CUL3: variants seen among roughly 807,000 people sequenced by gnomAD.
CUL3 encodes the protein cullin 3.
In CUL3, 19 loss-of-function variants were observed where a neutral mutation model predicts 89.1. The observed-to-expected ratio is 0.21, with a 90% CI of 0.15 to 0.31. The LOEUF is 0.31. CUL3 is among the 10% of genes least tolerant of loss of function. The probability of loss-of-function intolerance (pLI) is 1.00; values close to 1 mark genes in which losing one functional copy is unlikely to be tolerated. For missense variants in CUL3, 469 were observed against 942.3 expected (o/e 0.50, Z 6.58); for synonymous variants, 351 against 308.4 (o/e 1.14, Z -1.45).
intron 2 of CUL3, among the ~76,000 whole-genome samples, chr2:224,554,312 A>G (rs528802279): frequency 1.3e-5 from 2 of 152,198 alleles, no homozygotes; most frequent in South Asian, 4.1e-4. Flanking sequence ...GATTCATAAT[A>G]ATTTTAGAAA....
At chr2:224,527,337 C>G (rs1693518540) in intron 3 of CUL3, among the ~76,000 whole-genome samples, 1 of 152,158 alleles carries the variant, frequency 6.6e-6, no homozygotes, top group African/African-American at 2.4e-5. Context: ...CTAAAATCAT[C>G]AAAATGTACA....
chr2:224,487,082 C>T (rs2106161595), intron 13 of CUL3, among the ~76,000 whole-genome samples: 1 of 152,260 alleles, frequency 6.6e-6, no homozygotes, highest in East Asian at 1.9e-4. Flanking sequence ...GATTCTGTCA[C>T]CACCAGGTCT....
At chr2:224,490,832 T>A (rs1000000232) in intron 13 of CUL3, among the ~76,000 whole-genome samples, 1 of 152,192 alleles carries the variant, frequency 6.6e-6, no homozygotes, top group African/African-American at 2.4e-5. Context: ...TTAACTTGTA[T>A]ACTTTTTAAT....
rs538860507 is a variant in CUL3 at position 224,573,509 on chromosome 2, C to T, written c.66+11435G>A. 1.1e-4 allele frequency among the ~76,000 whole-genome samples: 16 copies of T among 152,316 alleles called. No individual in the cohort carries two copies. The South Asian group carries it at 1.7e-3, about 16-fold the overall frequency. On this transcript the variant is annotated intron_variant, in intron 1 of 15. Transcript: ENST00000264414. ...ATAACTTTTATAAATGGTCCATTTA[C>T]TTAAAGCCAGTAAAACTTAAGCTTA...
Position 224,474,227 on chromosome 2 carries a change from C to A in CUL3, c.*18G>T, listed in dbSNP as rs2106132671. On this transcript the variant is annotated 3_prime_UTR_variant, in exon 16 of 16. Transcript: ENST00000264414. ...CGAAGAGTACAGTCCAAGAATAAAT[C>A]AAATTTCTGAACGCATTTTATGCTA... 1.2e-6 allele frequency: 2 copies of A among 1,610,364 alleles called. No homozygotes were observed. Among genetic ancestry groups the A allele is most frequent in the South Asian group, 2.2e-5 (2 of 90,436 alleles).
At chr2:224,513,397 T>A in intron 5 of CUL3, 127 bp downstream of exon 5, 1 of 641,944 alleles carries the variant, frequency 1.6e-6, no homozygotes, top group South Asian at 2.0e-5. Context: ...CTGATGGGCA[T>A]TTTTTGCATA....
intron 1 of CUL3, among the ~76,000 whole-genome samples, chr2:224,574,973 C>T (rs1695266859): frequency 6.6e-6 from 1 of 152,194 alleles, no homozygotes; most frequent in South Asian, 2.1e-4. Context: ...ATAGAGACTC[C>T]TCTCTCAAGA....
At chr2:224,500,320 C>CACTT (rs1472078549) in intron 11 of CUL3, 43 bp downstream of exon 11, 1 of 1,597,258 alleles carries the variant, frequency 6.3e-7, no homozygotes, top group Non-Finnish European at 8.6e-7. Flanking sequence ...TAATTTTGAA[C>CACTT]ACTTACTTGT....
At chr2:224,527,325 A>C (rs1429506049) in intron 3 of CUL3, among the ~76,000 whole-genome samples, 1 of 152,218 alleles carries the variant, frequency 6.6e-6, no homozygotes, top group East Asian at 1.9e-4. Context: ...CTTTTTAAAG[A>C]GCTAAAATCA....
chr2:224,542,392 T>C (rs187507941), intron 2 of CUL3, among the ~76,000 whole-genome samples: 1 of 152,166 alleles, frequency 6.6e-6, no homozygotes, highest in East Asian at 1.9e-4. Flanking sequence ...GTGACACAAT[T>C]ATAGCTCACT....
chr2:224,578,598 T>C (rs1695364878), intron 1 of CUL3, among the ~76,000 whole-genome samples: 1 of 152,162 alleles, frequency 6.6e-6, no homozygotes, highest in African/African-American at 2.4e-5. Flanking sequence ...TGAATAGTTT[T>C]CACAAGACAC....
intron 2 of CUL3, among the ~76,000 whole-genome samples, chr2:224,550,197 A>G (rs1694461647): frequency 6.6e-6 from 1 of 152,240 alleles, no homozygotes; most frequent in African/African-American, 2.4e-5. Flanking sequence ...TTGCATATAC[A>G]TAATGAGAGA....
intron 1 of CUL3, among the ~76,000 whole-genome samples, chr2:224,563,878 A>T (rs183724064): frequency 5.9e-5 from 9 of 152,350 alleles, no homozygotes; most frequent in Non-Finnish European, 7.3e-5. Context: ...GATGCTGACA[A>T]TTCAGAAATG....
In CUL3 at chr2:224,584,998, C is replaced by T. The variant is rs781698494; in HGVS notation, c.12G>A (p.Leu4=). 1.3e-6 allele frequency: 2 copies of T among 1,510,324 alleles called. No individual in the cohort carries two copies. Among genetic ancestry groups the T allele is most frequent in the Non-Finnish European group, 8.9e-7 (1 of 1,118,538 alleles). The allele number at this position is 1,510,324 out of a possible 1,614,324, so 93.6% of individuals were successfully genotyped here. Residue 4 remains leucine (L), a synonymous_variant, in exon 1 of 16, where the codon CTG becomes CTA. Transcript: ENST00000264414. ...CCTTCCGGCTGCCCGTGCCTTTGCT[C>T]AGATTCGACATGGTGCTCGTCCCCT... The part of the protein sequence containing the change: MSN[L]SKGTGSRKDT...
At position 224,470,905 on chromosome 2, in the gene CUL3, T is replaced by C. The variant is rs1273004335; in HGVS notation, c.*3340A>G. On this transcript the variant is annotated 3_prime_UTR_variant, in exon 16 of 16. Coordinates refer to ENST00000264414, the MANE Select transcript of CUL3 (RefSeq NM_003590.5). Reference sequence around the variant, plus strand: ...GTCAATTTGTAACATGGAATATGGATAGGATTAAACCTAGGTCCAACTCCT... The same window carrying C: ...GTCAATTTGTAACATGGAATATGGACAGGATTAAACCTAGGTCCAACTCCT... 4 of 228,828 alleles carry C rather than the reference T, an allele frequency of 1.7e-5. No homozygotes were observed. The East Asian group carries it at 2.5e-4, about 14-fold the overall frequency. The allele number at this position is 228,828 out of a possible 1,614,324, so 14.2% of individuals were successfully genotyped here. A position where few individuals can be genotyped will look rare whatever the true frequency, so the allele number is the denominator to read the frequency against.
chr2:224,522,827 C>CAAAAA (rs777324032), intron 3 of CUL3, among the ~76,000 whole-genome samples: 1 of 147,512 alleles, frequency 6.8e-6, no homozygotes, highest in Non-Finnish European at 1.5e-5. Context: ...GACACCGTCT[C>CAAAAA]AAAAAAACAA....
At position 224,543,976 on chromosome 2, in the gene CUL3, C is replaced by A. The variant is rs1194471788; in HGVS notation, c.265-8335G>T. On this transcript the variant is annotated intron_variant, in intron 2 of 15. Transcript: ENST00000264414. Reference sequence around the variant, plus strand: ...CTCCAGCTAGGGTGACAGAGTGAGACCCCTCCCATTTCAAAAAAAAAAAGA... The same window carrying A: ...CTCCAGCTAGGGTGACAGAGTGAGAACCCTCCCATTTCAAAAAAAAAAAGA... Among the ~76,000 whole-genome samples, 5 of 152,030 alleles carry A rather than the reference C, an allele frequency of 3.3e-5. No individual in the cohort carries two copies. The East Asian group carries it at 7.7e-4, about 23-fold the overall frequency.
At chr2:224,575,347 C>A (rs1218749601) in intron 1 of CUL3, among the ~76,000 whole-genome samples, 1 of 152,140 alleles carries the variant, frequency 6.6e-6, no homozygotes, top group Non-Finnish European at 1.5e-5. Flanking sequence ...CACTGTCTTG[C>A]AATTTTCTCC....
Position 224,536,789 on chromosome 2 carries a change from T to C in CUL3, c.265-1148A>G, listed in dbSNP as rs1559190485. Among the ~76,000 whole-genome samples the C allele has an allele frequency of 2.0e-5, 3 of 152,332 alleles. No homozygotes were observed. The South Asian group carries it at 6.2e-4, about 32-fold the overall frequency. ...TAAAATGTTATTGACCACTACTCTT[T>C]CCTGCTATGCTATCTGCCCAAAAGA... is the stretch of plus-strand genomic sequence containing the variant. On this transcript the variant is annotated intron_variant, in intron 2 of 15. Transcript: ENST00000264414.
Sources: gnomAD v4.1 joint callset for allele counts (sites outside exome capture counted in the v4.1 genomes callset) on GRCh38, gnomAD v4.1.1 for gene constraint, MANE v1.5 for transcripts, NCBI Gene and HGNC (gene_info 2026-07-23, HGNC 2026-07-21) for gene names.